TRAPPC13: variants seen among roughly 807,000 people sequenced by gnomAD.
TRAPPC13 encodes the protein trafficking protein particle complex subunit 13, also known as REV7-interacting novel NHEJ regulator 1.
Under a neutral mutation model 54.0 loss-of-function variants are expected in TRAPPC13, and 39 were observed. That is an observed-to-expected ratio of 0.72 (90% CI 0.56 to 0.94). The LOEUF (loss-of-function observed/expected upper bound fraction) is 0.94, where lower values mean the gene tolerates loss of function less well. TRAPPC13 is among the 40% of genes least tolerant of loss of function. The pLI is 0.00. For missense variants in TRAPPC13, 386 were observed against 488.1 expected (o/e 0.79, Z 1.97); for synonymous variants, 148 against 167.7 (o/e 0.88, Z 0.91).
At chr5:65,632,065 G>A (rs1043677651) in intron 1 of TRAPPC13, among the ~76,000 whole-genome samples, 4 of 152,004 alleles carry the variant, frequency 2.6e-5, no homozygotes, top group African/African-American at 9.7e-5. Context: ...GGGCAACATG[G>A]TGAAACTCCG....
chr5:65,651,842 G>GTTTTTTTTGTTTTTTTT (rs1756457486), intron 6 of TRAPPC13, among the ~76,000 whole-genome samples: 4 of 41,136 alleles, frequency 9.7e-5, no homozygotes, highest in African/African-American at 3.7e-4. Context: ...ACGTGATTCA[G>GTTTTTTTTGTTTTTTTT]TTTTTTTTTT....
chr5:65,642,102 C>T (rs1350873741), intron 4 of TRAPPC13, among the ~76,000 whole-genome samples: 1 of 152,176 alleles, frequency 6.6e-6, no homozygotes, highest in Non-Finnish European at 1.5e-5. Flanking sequence ...GCAGGTGGAT[C>T]ACCTGAGGTC....
At chr5:65,663,177 T>C (rs1756904323) in intron 11 of TRAPPC13, 1 of 152,152 alleles carries the variant, frequency 6.6e-6, no homozygotes, top group Non-Finnish European at 1.5e-5. Flanking sequence ...AATCAGTTTA[T>C]TGACCAGCTC....
chr5:65,661,130 C>T (rs1400666417), intron 10 of TRAPPC13: 2 of 353,018 alleles, frequency 5.7e-6, no homozygotes, highest in African/African-American at 5.1e-5. Context: ...TTCTTTATCA[C>T]ACAGAAATTA....
intron 9 of TRAPPC13, among the ~76,000 whole-genome samples, chr5:65,659,899 G>C (rs578002545): frequency 2.0e-5 from 3 of 148,836 alleles, no homozygotes; most frequent in East Asian, 3.9e-4. Flanking sequence ...CAAGTTCAAG[G>C]CTGCAGTGAG....
chr5:65,661,991 C>T, intron 10 of TRAPPC13, 59 bp from the exon 11 acceptor site: 1 of 1,299,482 alleles, frequency 7.7e-7, no homozygotes, highest in Non-Finnish European at 1.1e-6. Flanking sequence ...GTGGTGCCTT[C>T]ATTAAAATGG....
At chr5:65,634,890 C>A in intron 1 of TRAPPC13, 1 of 722,924 alleles carries the variant, frequency 1.4e-6, no homozygotes, top group Non-Finnish European at 1.7e-6. Context: ...CAGAGTAAGC[C>A]TGTCTCAAAA....
chr5:65,639,939 C>T (rs188820438), intron 4 of TRAPPC13, among the ~76,000 whole-genome samples: 1 of 152,154 alleles, frequency 6.6e-6, no homozygotes, highest in African/African-American at 2.4e-5. Context: ...TTGGAGTATT[C>T]CAAAAAGGAC....
chr5:65,647,989 T>A (rs1274351458), intron 5 of TRAPPC13, among the ~76,000 whole-genome samples: 1 of 152,180 alleles, frequency 6.6e-6, no homozygotes, highest in Non-Finnish European at 1.5e-5. Flanking sequence ...CTTCATCATT[T>A]GTTATGTGAT....
chr5:65,637,450 T>G (rs1755791167), intron 3 of TRAPPC13, among the ~76,000 whole-genome samples: 1 of 151,936 alleles, frequency 6.6e-6, no homozygotes, highest in Non-Finnish European at 1.5e-5. Context: ...GCTAACATGG[T>G]GAAACCCCGT....
chr5:65,626,918 A>G (rs973653889), intron 1 of TRAPPC13, among the ~76,000 whole-genome samples: 2 of 152,052 alleles, frequency 1.3e-5, no homozygotes, highest in Admixed American at 6.5e-5. Flanking sequence ...AGGCTGGCAG[A>G]TCACTTGAGA....
chr5:65,646,830 T>C (rs1303104596), intron 4 of TRAPPC13, among the ~76,000 whole-genome samples: 1 of 152,176 alleles, frequency 6.6e-6, no homozygotes. Flanking sequence ...CCCTAATTCC[T>C]GCTTGATCTT....
In TRAPPC13 at chr5:65,664,236, G is replaced by C. The variant is rs1254636432; in HGVS notation, c.999-1G>C. The stretch of plus-strand genomic sequence containing the variant: ...TCCTATTATTCTGATTCCTCCAGCA[G>C]TGAAAGGACTATGGATCTGGTTTTG... On this transcript the variant is annotated splice_acceptor_variant, in intron 11 of 12. Transcript: ENST00000399438. LOFTEE classifies it high-confidence loss of function. 1.2e-6 allele frequency: 2 copies of C among 1,613,314 alleles called. No individual in the cohort carries two copies. Among genetic ancestry groups the C allele is most frequent in the Non-Finnish European group, 8.5e-7 (1 of 1,179,578 alleles).
At chr5:65,638,306 G>C (rs997440753) in intron 4 of TRAPPC13, among the ~76,000 whole-genome samples, 3 of 152,120 alleles carry the variant, frequency 2.0e-5, no homozygotes, top group Non-Finnish European at 4.4e-5. Flanking sequence ...GTGATTGCTT[G>C]GGTGAGAAAA....
At chr5:65,646,531 CTT>C (rs907003530) in intron 4 of TRAPPC13, among the ~76,000 whole-genome samples, 1 of 151,370 alleles carries the variant, frequency 6.6e-6, no homozygotes, top group Admixed American at 6.6e-5. Context: ...TTATTTGTAC[CTT>C]TTTTTTTCTC....
chr5:65,648,023 C>T lies in TRAPPC13; in HGVS notation c.428+841C>T, dbSNP rs141656141. Among the ~76,000 whole-genome samples, 578 of 152,202 alleles carry T rather than the reference C, an allele frequency of 3.8e-3. 4 individuals are homozygous for T. Among genetic ancestry groups the T allele is most frequent in the African/African-American group, 0.013 (540 of 41,524 alleles). On this transcript the variant is annotated intron_variant, in intron 5 of 12. Coordinates refer to ENST00000399438, the MANE Select transcript of TRAPPC13 (RefSeq NM_024941.4). ...ATCTTGTATAAGTCACTTAATTCTT[C>T]AGTGATTGCCCATTGTCCTTAGGAA...
chr5:65,659,823 G>A (rs1389123020), intron 9 of TRAPPC13, among the ~76,000 whole-genome samples: 1 of 151,870 alleles, frequency 6.6e-6, no homozygotes, highest in African/African-American at 2.4e-5. Flanking sequence ...TATTTAGCTG[G>A]GCATGGTGGT....
intron 4 of TRAPPC13, among the ~76,000 whole-genome samples, chr5:65,638,080 G>T (rs982857730): frequency 1.2e-4 from 18 of 144,326 alleles, no homozygotes; most frequent in African/African-American, 4.6e-4. Context: ...CCAAGATCAC[G>T]CCACTGCACT....
At chr5:65,630,183 C>G in intron 1 of TRAPPC13, 1 of 1,535,976 alleles carries the variant, frequency 6.5e-7, no homozygotes, top group South Asian at 1.2e-5. Flanking sequence ...GAACTTCCAT[C>G]TTGTAATGCT....
Sources: gnomAD v4.1 joint callset for allele counts (sites outside exome capture counted in the v4.1 genomes callset) on GRCh38, gnomAD v4.1.1 for gene constraint, MANE v1.5 for transcripts, NCBI Gene and HGNC (gene_info 2026-07-23, HGNC 2026-07-21) for gene names.